Variants in ZNF143 observed in about 807,000 individuals in gnomAD.
The protein encoded by ZNF143 is zinc finger protein 143.
ZNF143 carries 49 observed loss-of-function variants against 74.1 expected under a neutral mutation model. The observed-to-expected ratio is 0.66, with a 90% CI of 0.53 to 0.84. The LOEUF is 0.84. ZNF143 is among the 40% of genes least tolerant of loss of function. The pLI, the probability that ZNF143 is intolerant of heterozygous loss-of-function variation, is 0.00. For missense variants in ZNF143, 637 were observed against 793.4 expected (o/e 0.80, Z 2.37); for synonymous variants, 304 against 282.8 (o/e 1.07, Z -0.75).
intron 13 of ZNF143, among the ~76,000 whole-genome samples, chr11:9,515,970 G>A (rs1018087616): frequency 1.3e-5 from 2 of 152,080 alleles, no homozygotes; most frequent in Non-Finnish European, 2.9e-5. Flanking sequence ...GGGCAACAGA[G>A]TGAGGCCTTG....
intron 5 of ZNF143, among the ~76,000 whole-genome samples, chr11:9,475,582 A>G (rs1398501364): frequency 6.6e-6 from 1 of 151,800 alleles, no homozygotes; most frequent in Non-Finnish European, 1.5e-5. Flanking sequence ...TGCCTAACCT[A>G]TTTCTTCCTC....
At chr11:9,476,964 G>A (rs1003214531) in intron 5 of ZNF143, among the ~76,000 whole-genome samples, 10 of 150,272 alleles carry the variant, frequency 6.7e-5, no homozygotes, top group African/African-American at 1.5e-4. Flanking sequence ...GGGTTTCACC[G>A]TGTTAGCCAG....
In ZNF143 at chr11:9,486,415, ATAT is replaced by A. The variant is rs1847525649; in HGVS notation, c.645+6870_645+6872del. ...ATATATAATATATTATATATATAAT[ATAT>A]ATTATATATATTATATATATAATAT... On this transcript the variant is annotated intron_variant, in intron 7 of 15. Coordinates refer to ENST00000396602, the MANE Select transcript of ZNF143 (RefSeq NM_003442.6). Among the ~76,000 whole-genome samples the A allele has an allele frequency of 1.4e-4, 3 of 20,742 alleles. 1 individual carries two copies. Among genetic ancestry groups the A allele is most frequent in the Non-Finnish European group, 3.2e-4 (3 of 9,392 alleles). 13.6% of individuals were successfully genotyped at this position (20,742 alleles called of 152,430 possible).
At chr11:9,463,975 C>T (rs949103369) in intron 1 of ZNF143, 3 of 151,768 alleles carry the variant, frequency 2.0e-5, no homozygotes, top group Non-Finnish European at 4.4e-5. Context: ...CTGCAACTTG[C>T]TTTTTCCCAC....
chr11:9,520,825 T>C (rs985444699), intron 14 of ZNF143, among the ~76,000 whole-genome samples: 6 of 152,200 alleles, frequency 3.9e-5, no homozygotes, highest in Non-Finnish European at 5.9e-5. Flanking sequence ...GTTTGTTTCA[T>C]ATTATCACCA....
chr11:9,474,424 T>A (rs768289964), intron 4 of ZNF143, 126 bp from the exon 5 acceptor site: 166 of 930,152 alleles, frequency 1.8e-4, no homozygotes, highest in Non-Finnish European at 2.5e-4. Flanking sequence ...ACTTAAATGT[T>A]CAAAGACTCA....
chr11:9,489,257 C>T (rs1011244419), intron 7 of ZNF143, among the ~76,000 whole-genome samples: 7 of 152,134 alleles, frequency 4.6e-5, no homozygotes, highest in African/African-American at 1.7e-4. Flanking sequence ...ACTGCCCTTA[C>T]TTATAATTCT....
At chr11:9,513,114 A>G (rs558653271) in intron 13 of ZNF143, among the ~76,000 whole-genome samples, 7 of 152,218 alleles carry the variant, frequency 4.6e-5, no homozygotes, top group African/African-American at 1.7e-4. Context: ...ACTTGTTATT[A>G]TTTTCTAGAT....
At chr11:9,490,121 G>A (rs1451474072) in intron 7 of ZNF143, among the ~76,000 whole-genome samples, 4 of 151,998 alleles carry the variant, frequency 2.6e-5, no homozygotes, top group Non-Finnish European at 5.9e-5. Flanking sequence ...GAGTTGGAGG[G>A]TGCAGTGAGC....
chr11:9,497,202 G>C (rs1339854974), intron 9 of ZNF143, among the ~76,000 whole-genome samples: 3 of 152,160 alleles, frequency 2.0e-5, no homozygotes, highest in Non-Finnish European at 4.4e-5. Context: ...TTTTCAGCAT[G>C]GCAGTCCCGA....
chr11:9,484,781 C>A (rs372391730), intron 7 of ZNF143, among the ~76,000 whole-genome samples: 31 of 127,882 alleles, frequency 2.4e-4, no homozygotes, highest in Admixed American at 9.1e-4. Flanking sequence ...CAGGCGTGAG[C>A]CACCGCACCT....
chr11:9,494,586 C>G, intron 7 of ZNF143, 60 bp from the exon 8 acceptor site: 2 of 1,549,344 alleles, frequency 1.3e-6, no homozygotes, highest in Non-Finnish European at 1.8e-6. Context: ...GCTAAGATTA[C>G]TGGCATGAGC....
At chr11:9,516,978 C>T (rs1426388060) in intron 14 of ZNF143, among the ~76,000 whole-genome samples, 1 of 152,178 alleles carries the variant, frequency 6.6e-6, no homozygotes, top group African/African-American at 2.4e-5. Flanking sequence ...TGCAGCGGCA[C>T]GTCATGGCTC....
intron 14 of ZNF143, among the ~76,000 whole-genome samples, chr11:9,518,898 T>A (rs549195415): frequency 8.9e-4 from 136 of 152,348 alleles, no homozygotes; most frequent in African/African-American, 1.6e-3. Context: ...GAGGATTTTT[T>A]AAAATATTTA....
intron 15 of ZNF143, among the ~76,000 whole-genome samples, chr11:9,526,361 A>G (rs1849126664): frequency 6.6e-6 from 1 of 152,116 alleles, no homozygotes; most frequent in East Asian, 1.9e-4. Flanking sequence ...CTCAAAAAAA[A>G]AATTAGAATG....
intron 12 of ZNF143, among the ~76,000 whole-genome samples, chr11:9,510,873 A>G (rs1352042294): frequency 1.3e-5 from 2 of 152,138 alleles, no homozygotes; most frequent in Non-Finnish European, 2.9e-5. Context: ...TCTTTATGAA[A>G]TAAAGAAGTG....
intron 8 of ZNF143, 137 bp from the exon 9 acceptor site, chr11:9,496,166 G>T: frequency 1.4e-6 from 1 of 693,904 alleles, no homozygotes; most frequent in Non-Finnish European, 2.5e-6. Flanking sequence ...TATCGTTTTT[G>T]TGAAGTTATC....
At chr11:9,476,960 C>T (rs1856945939) in intron 5 of ZNF143, among the ~76,000 whole-genome samples, 2 of 150,504 alleles carry the variant, frequency 1.3e-5, no homozygotes, top group Non-Finnish European at 1.5e-5. Context: ...GGCGGGGTTT[C>T]ACCGTGTTAG....
intron 12 of ZNF143, 120 bp from the exon 13 acceptor site, chr11:9,512,328 A>G (rs1848578362): frequency 7.6e-7 from 1 of 1,315,388 alleles, no homozygotes; most frequent in African/African-American, 1.5e-5. Context: ...CATTTTCGTG[A>G]CTTAGAATAT....
Sources: gnomAD v4.1 joint callset for allele counts (sites outside exome capture counted in the v4.1 genomes callset) on GRCh38, gnomAD v4.1.1 for gene constraint, MANE v1.5 for transcripts, NCBI Gene and HGNC (gene_info 2026-07-23, HGNC 2026-07-21) for gene names.